MECOM: variants seen among roughly 807,000 people sequenced by gnomAD.
MECOM encodes histone-lysine N-methyltransferase MECOM.
A neutral mutation model predicts 116.3 loss-of-function variants in MECOM; 13 were observed. The observed-to-expected ratio is 0.11, with a 90% CI of 0.07 to 0.18. The LOEUF (loss-of-function observed/expected upper bound fraction) is 0.18, where lower values mean the gene tolerates loss of function less well. MECOM is among the 10% of genes least tolerant of loss of function. The pLI is 1.00. For synonymous variants in MECOM, 528 were observed against 535.2 expected (o/e 0.99, Z 0.19); for missense variants, 1,299 against 1,509.0 (o/e 0.86, Z 2.31).
rs538026091 is a variant in MECOM, at chr3:169,619,042, T to C, written c.37+44294A>G. Among the ~76,000 whole-genome samples, 17 of 152,230 alleles carry C rather than the reference T, an allele frequency of 1.1e-4. No individual in the cohort carries two copies. The East Asian group carries it at 3.1e-3, about 28-fold the overall frequency. The stretch of plus-strand genomic sequence containing the variant: ...AAAAAAAAAAAAAAGTCCACTCTTT[T>C]CTACTAAAGAGAAACAGCTATAAAA... On this transcript the variant is annotated intron_variant, in intron 1 of 16. Transcript: ENST00000651503.
chr3:169,145,449 T>C lies in MECOM; in HGVS notation c.376-1617A>G, dbSNP rs1415919216. 3 of 233,982 alleles carry C rather than the reference T, an allele frequency of 1.3e-5. No homozygotes were observed. The East Asian group carries it at 1.8e-4, about 14-fold the overall frequency. 14.5% of individuals were successfully genotyped at this position (233,982 alleles called of 1,614,324 possible). A position where few individuals can be genotyped will look rare whatever the true frequency, so the allele number is the denominator to read the frequency against. ...TTTTAAATAGTAAAAAGTTGGAGTT[T>C]GTTGCTGGGTTTTGTTGGTTTGTTC... On this transcript the variant is annotated intron_variant, in intron 2 of 16. Transcript: ENST00000651503.
At chr3:169,367,428 A>G (rs1202477185) in intron 2 of MECOM, among the ~76,000 whole-genome samples, 1 of 151,786 alleles carries the variant, frequency 6.6e-6, no homozygotes, top group Non-Finnish European at 1.5e-5. Flanking sequence ...GTGTAACTAT[A>G]AGGCACCCAG....
intron 2 of MECOM, among the ~76,000 whole-genome samples, chr3:169,370,535 T>A (rs763743640): frequency 7.9e-5 from 12 of 151,674 alleles, no homozygotes; most frequent in Non-Finnish European, 1.3e-4. Context: ...TGGGACTATA[T>A]CTAACTAAAA....
At position 169,211,273 on chromosome 3, in the gene MECOM, T is replaced by C. The variant is rs554305353; in HGVS notation, c.376-67441A>G. Among the ~76,000 whole-genome samples, 5 of 152,254 alleles carry C rather than the reference T, an allele frequency of 3.3e-5. No individual in the cohort carries two copies. The South Asian group carries it at 6.2e-4, about 19-fold the overall frequency. On this transcript the variant is annotated intron_variant, in intron 2 of 16. Coordinates refer to ENST00000651503, the MANE Select transcript of MECOM (RefSeq NM_004991.4). ...CTACTCTCATGGGGCTTGAGAAATA[T>C]ACCCTGAGGCCTTGGACATGATCTC...
intron 1 of MECOM, among the ~76,000 whole-genome samples, chr3:169,513,666 T>C (rs538827215): frequency 6.6e-6 from 1 of 152,344 alleles, no homozygotes. Flanking sequence ...TTCTTTCCTT[T>C]AAAACCTTGA....
intron 1 of MECOM, among the ~76,000 whole-genome samples, chr3:169,479,918 T>A (rs771742511): frequency 6.6e-6 from 1 of 152,200 alleles, no homozygotes; most frequent in East Asian, 1.9e-4. Context: ...AAATTCCCCA[T>A]TTTTTAACTG....
At chr3:169,325,069 A>C (rs1348706643) in intron 2 of MECOM, among the ~76,000 whole-genome samples, 1 of 152,132 alleles carries the variant, frequency 6.6e-6, no homozygotes, top group African/African-American at 2.4e-5. Flanking sequence ...CTAACCTACC[A>C]TGGGTTTGAG....
chr3:169,563,064 C>CA (rs34061227), intron 1 of MECOM, among the ~76,000 whole-genome samples: 2,884 of 79,334 alleles, frequency 0.036, 107 homozygotes, highest in East Asian at 0.13. Flanking sequence ...AGCTCCATCT[C>CA]AAAAAAAAAA....
intron 5 of MECOM, 143 bp from the exon 6 acceptor site, chr3:169,122,870 T>G (rs1426442269): frequency 1.1e-6 from 1 of 888,982 alleles, no homozygotes; most frequent in African/African-American, 1.7e-5. Context: ...GAAACAGGCT[T>G]GTGACAGACA....
At chr3:169,614,569 G>T (rs1284030699) in intron 1 of MECOM, among the ~76,000 whole-genome samples, 1 of 152,080 alleles carries the variant, frequency 6.6e-6, no homozygotes, top group Admixed American at 6.6e-5. Context: ...AAACATTTAT[G>T]GCTGCTTGAT....
At chr3:169,333,280 A>C (rs889499354) in intron 2 of MECOM, among the ~76,000 whole-genome samples, 1 of 152,288 alleles carries the variant, frequency 6.6e-6, no homozygotes, top group Non-Finnish European at 1.5e-5. Context: ...TGACCTGTTA[A>C]CCCCATCAAC....
chr3:169,426,969 A>T (rs1186756051), intron 1 of MECOM, among the ~76,000 whole-genome samples: 1 of 152,166 alleles, frequency 6.6e-6, no homozygotes, highest in African/African-American at 2.4e-5. Flanking sequence ...CAATTTACAA[A>T]TGAGGACATT....
chr3:169,364,716 G>T (rs1367759130), intron 2 of MECOM, among the ~76,000 whole-genome samples: 1 of 151,958 alleles, frequency 6.6e-6, no homozygotes, highest in Admixed American at 6.6e-5. Context: ...TTTCCAGATG[G>T]TCCTGCATCT....
intron 2 of MECOM, among the ~76,000 whole-genome samples, chr3:169,168,787 A>C (rs1265207915): frequency 6.6e-6 from 1 of 151,988 alleles, no homozygotes; most frequent in African/African-American, 2.4e-5. Flanking sequence ...AAGTTGGAAT[A>C]CTAGGGGAAA....
At chr3:169,280,439 C>A (rs1291762645) in intron 2 of MECOM, among the ~76,000 whole-genome samples, 1 of 152,024 alleles carries the variant, frequency 6.6e-6, no homozygotes, top group Non-Finnish European at 1.5e-5. Context: ...GGAACATTTC[C>A]TGCTATCTCA....
chr3:169,146,495 C>G (rs1383552568), intron 2 of MECOM: 1 of 1,381,242 alleles, frequency 7.2e-7, no homozygotes, highest in Non-Finnish European at 9.6e-7. Flanking sequence ...GGACGACCCA[C>G]CCCGGAGACG....
At position 169,085,058 on chromosome 3, in the gene MECOM, A is replaced by G; in HGVS notation, c.3586-15T>C. On this transcript the variant is annotated splice_polypyrimidine_tract_variant and intron_variant, in intron 16 of 16. Transcript: ENST00000651503. Reference sequence around the variant, plus strand: ...ATAGCATATGCCTGGGGTAAAAAGGAGAGAGACTCAGTAAATGGCATTTGA... The same window carrying G: ...ATAGCATATGCCTGGGGTAAAAAGGGGAGAGACTCAGTAAATGGCATTTGA... The G allele has an allele frequency of 6.2e-7, 1 of 1,613,648 alleles. No homozygotes were observed. Among genetic ancestry groups the G allele is most frequent in the Non-Finnish European group, 8.5e-7 (1 of 1,179,792 alleles).
chr3:169,403,040 G>C (rs1372064251), intron 1 of MECOM, among the ~76,000 whole-genome samples: 1 of 152,178 alleles, frequency 6.6e-6, no homozygotes, highest in African/African-American at 2.4e-5. Flanking sequence ...TTAATGTCAA[G>C]AAAAGTAATT....
chr3:169,149,552 C>G (rs1740809369), intron 2 of MECOM: 2 of 308,842 alleles, frequency 6.5e-6, no homozygotes, highest in Non-Finnish European at 1.3e-5. Flanking sequence ...GTGAACCCGC[C>G]TCTGCCCGCC....
Sources: gnomAD v4.1 joint callset for allele counts (sites outside exome capture counted in the v4.1 genomes callset) on GRCh38, gnomAD v4.1.1 for gene constraint, MANE v1.5 for transcripts, NCBI Gene and HGNC (gene_info 2026-07-23, HGNC 2026-07-21) for gene names.